Variants in CAMKMT observed in about 807,000 individuals in gnomAD.
The protein encoded by CAMKMT is calmodulin-lysine N-methyltransferase.
CAMKMT carries 53 observed loss-of-function variants against 48.0 expected under a neutral mutation model. That is an observed-to-expected ratio of 1.10 (90% confidence interval 0.89 to 1.39). CAMKMT has a LOEUF of 1.39. CAMKMT is among the 40% of genes most tolerant of loss of function. CAMKMT has a pLI of 0.00. For synonymous variants in CAMKMT, 165 were observed against 152.3 expected (o/e 1.08, Z -0.61); for missense variants, 428 against 402.7 (o/e 1.06, Z -0.54).
intron 3 of CAMKMT, among the ~76,000 whole-genome samples, chr2:44,540,171 T>TAC (rs397800232): frequency 1.1e-4 from 16 of 151,286 alleles, no homozygotes; most frequent in Admixed American, 6.6e-5. Flanking sequence ...TATATATATA[T>TAC]GTACATATGT....
At chr2:44,451,718 C>T (rs555984107) in intron 3 of CAMKMT, among the ~76,000 whole-genome samples, 6 of 151,700 alleles carry the variant, frequency 4.0e-5, no homozygotes, top group South Asian at 4.2e-4. Flanking sequence ...TTCTATTTTA[C>T]GTGGCTAGAT....
In CAMKMT at chr2:44,588,726, G is replaced by A. The variant is rs1434069279; in HGVS notation, c.377-115557G>A. 1.3e-3 allele frequency among the ~76,000 whole-genome samples: 52 copies of A among 41,410 alleles called. No homozygotes were observed. In the East Asian group the frequency reaches 0.016, roughly 13 times the overall value. 27.2% of individuals were successfully genotyped at this position (41,410 alleles called of 152,430 possible). A position where few individuals can be genotyped will look rare whatever the true frequency, so the allele number is the denominator to read the frequency against. The stretch of plus-strand genomic sequence containing the variant: ...GGATCAGCCCCCCGCCTGGCCAGCC[G>A]CCCCGTCCGGGAGGTGAGGGGCGCC... On this transcript the variant is annotated intron_variant, in intron 3 of 10. Coordinates refer to ENST00000378494, the MANE Select transcript of CAMKMT (RefSeq NM_024766.5).
intron 7 of CAMKMT, among the ~76,000 whole-genome samples, chr2:44,728,782 G>A (rs949134631): frequency 2.0e-5 from 3 of 146,722 alleles, no homozygotes; most frequent in Non-Finnish European, 1.5e-5. Context: ...GTTTCTGATT[G>A]TGCTTATTTG....
Position 44,362,018 on chromosome 2 carries a change from G to A in CAMKMT, c.11G>A (p.Arg4Gln). 1 of 1,412,284 alleles carries A rather than the reference G, an allele frequency of 7.1e-7. No individual in the cohort carries two copies. Among genetic ancestry groups the A allele is most frequent in the Non-Finnish European group, 9.2e-7 (1 of 1,088,778 alleles). The allele number at this position is 1,412,284 out of a possible 1,614,324, so 87.5% of individuals were successfully genotyped here. ...GAAGGCTCCAGTGAGATGGAGTCGC[G>A]AGTCGCGGACGCTGGGACCGGCGAG... MESRVADAGTGETA... is the reference protein window; with the variant it reads MESQVADAGTGETA... Residue 4 changes from arginine (R) to glutamine (Q), a missense_variant, in exon 1 of 11, where the codon CGA (arginine) becomes CAA (glutamine). Coordinates refer to ENST00000378494, the MANE Select transcript of CAMKMT (RefSeq NM_024766.5).
chr2:44,417,131 T>G (rs756997041), intron 3 of CAMKMT, among the ~76,000 whole-genome samples: 6 of 151,878 alleles, frequency 4.0e-5, no homozygotes, highest in Non-Finnish European at 7.4e-5. Context: ...TAGTATTGCG[T>G]TGTATAAATA....
chr2:44,717,248 T>C lies in CAMKMT; in HGVS notation c.623+1895T>C, dbSNP rs80067476. Among the ~76,000 whole-genome samples, 668 of 152,334 alleles carry C rather than the reference T, an allele frequency of 4.4e-3. 26 individuals are homozygous for C. The East Asian group carries it at 0.089, about 20-fold the overall frequency. On this transcript the variant is annotated intron_variant, in intron 7 of 10. Coordinates refer to ENST00000378494, the MANE Select transcript of CAMKMT (RefSeq NM_024766.5). ...CCTCCAAGATGAGGATGGGCTTTTT[T>C]TGTCATCTTCATCTCATACTAATTG...
chr2:44,395,583 C>G (rs1428232910), intron 3 of CAMKMT, among the ~76,000 whole-genome samples: 1 of 152,096 alleles, frequency 6.6e-6, no homozygotes, highest in Admixed American at 6.6e-5. Context: ...CAGGTTTTAG[C>G]TCTGCGGGTT....
intron 3 of CAMKMT, among the ~76,000 whole-genome samples, chr2:44,551,185 C>G (rs577004330): frequency 6.6e-6 from 1 of 152,122 alleles, no homozygotes; most frequent in Admixed American, 6.5e-5. Flanking sequence ...GATCTTTATT[C>G]TCTCAGATTG....
rs1675462045 is a variant in CAMKMT, at chr2:44,673,471, G to GAGGAAGGAAGGGAGGA, written c.377-30801_377-30800insGAGGAAGGAAGGAAGG. Among the ~76,000 whole-genome samples the GAGGAAGGAAGGGAGGA allele has an allele frequency of 2.6e-5, 3 of 116,864 alleles. No homozygotes were observed. The South Asian group carries it at 9.6e-4, about 37-fold the overall frequency. 76.7% of individuals were successfully genotyped at this position (116,864 alleles called of 152,430 possible). A position where few individuals can be genotyped will look rare whatever the true frequency, so the allele number is the denominator to read the frequency against. On this transcript the variant is annotated intron_variant, in intron 3 of 10. Coordinates refer to ENST00000378494, the MANE Select transcript of CAMKMT (RefSeq NM_024766.5). The stretch of plus-strand genomic sequence containing the variant: ...AGAGAGAAAGAGAAAGAAAGAGAGA[G>GAGGAAGGAAGGGAGGA]AGGAAGGAAGGAAGGAAGGAAGGAA...
chr2:44,696,814 C>G (rs1487681672), intron 3 of CAMKMT, among the ~76,000 whole-genome samples: 1 of 151,442 alleles, frequency 6.6e-6, no homozygotes, highest in Non-Finnish European at 1.5e-5. Flanking sequence ...GATGAGAAAA[C>G]TTAAAAGAAA....
chr2:44,606,287 G>A (rs1002981968), intron 3 of CAMKMT, among the ~76,000 whole-genome samples: 8 of 152,154 alleles, frequency 5.3e-5, no homozygotes, highest in African/African-American at 1.9e-4. Context: ...GAAATTAAGT[G>A]ATAATATATG....
At chr2:44,488,269 C>T (rs561448563) in intron 3 of CAMKMT, among the ~76,000 whole-genome samples, 50 of 152,204 alleles carry the variant, frequency 3.3e-4, no homozygotes, top group South Asian at 1.7e-3. Flanking sequence ...GAGGCCAAGG[C>T]GGGTGGATCA....
chr2:44,485,506 T>C (rs1194387027), intron 3 of CAMKMT, among the ~76,000 whole-genome samples: 1 of 152,178 alleles, frequency 6.6e-6, no homozygotes, highest in Non-Finnish European at 1.5e-5. Flanking sequence ...AATGTGTCCT[T>C]AGGCAATTTT....
At chr2:44,647,907 CAAAAAAAAAAAA>C (rs756753917) in intron 3 of CAMKMT, among the ~76,000 whole-genome samples, 10 of 29,524 alleles carry the variant, frequency 3.4e-4, no homozygotes, top group African/African-American at 4.7e-4. Context: ...GACTCCGTCT[CAAAAAAAAAAAA>C]AAAAAAAAAA....
chr2:44,455,357 C>G (rs771590801), intron 3 of CAMKMT, among the ~76,000 whole-genome samples: 2 of 151,944 alleles, frequency 1.3e-5, no homozygotes, highest in Non-Finnish European at 2.9e-5. Context: ...TTCTGCTTGC[C>G]CTTTGAACTT....
intron 3 of CAMKMT, among the ~76,000 whole-genome samples, chr2:44,482,036 C>A (rs892095551): frequency 2.0e-5 from 3 of 151,878 alleles, no homozygotes; most frequent in Non-Finnish European, 2.9e-5. Context: ...AAAAGATGTT[C>A]ACAGAAACTG....
chr2:44,377,752 T>G (rs369172854), intron 2 of CAMKMT, among the ~76,000 whole-genome samples: 2 of 152,280 alleles, frequency 1.3e-5, no homozygotes, highest in African/African-American at 4.8e-5. Context: ...GAACTTAGAA[T>G]GGGCAAAAAG....
intron 7 of CAMKMT, among the ~76,000 whole-genome samples, chr2:44,736,723 T>C (rs1311871817): frequency 1.3e-5 from 2 of 152,178 alleles, no homozygotes; most frequent in Admixed American, 1.3e-4. Flanking sequence ...TCATTTTGGA[T>C]AGTTTCTATC....
At chr2:44,434,226 A>AT (rs35979525) in intron 3 of CAMKMT, among the ~76,000 whole-genome samples, 77,853 of 147,174 alleles carry the variant, frequency 0.53, 22,215 homozygotes, top group Non-Finnish European at 0.66. Context: ...TTTGTGAGGG[A>AT]TTTTTTTTTT....
Sources: gnomAD v4.1 joint callset for allele counts (sites outside exome capture counted in the v4.1 genomes callset) on GRCh38, gnomAD v4.1.1 for gene constraint, MANE v1.5 for transcripts, NCBI Gene and HGNC (gene_info 2026-07-23, HGNC 2026-07-21) for gene names.